The following GRIA1 variants were observed in gnomAD, a reference collection of about 807,000 sequenced individuals.
The protein encoded by GRIA1 is glutamate ionotropic receptor AMPA type subunit 1.
A neutral mutation model predicts 99.2 loss-of-function variants in GRIA1; 31 were observed. That is an observed-to-expected ratio of 0.31 (90% CI 0.23 to 0.42). The LOEUF is 0.42. Among genes scored for constraint, GRIA1 ranks in the 10% least tolerant of loss-of-function variants. GRIA1 has a pLI of 1.00. For synonymous variants in GRIA1, 438 were observed against 432.4 expected (o/e 1.01, Z -0.16); for missense variants, 782 against 1,157.5 (o/e 0.68, Z 4.71).
intron 11 of GRIA1, among the ~76,000 whole-genome samples, chr5:153,751,462 G>A (rs907297044): frequency 1.6e-4 from 24 of 152,212 alleles, no homozygotes; most frequent in Non-Finnish European, 4.4e-5. Context: ...CCAGCCTGCC[G>A]CCTGTTTTGG....
At chr5:153,541,733 C>A (rs1437258707) in intron 2 of GRIA1, among the ~76,000 whole-genome samples, 1 of 151,928 alleles carries the variant, frequency 6.6e-6, no homozygotes, top group Non-Finnish European at 1.5e-5. Flanking sequence ...AGATTGAGAC[C>A]ATCCTGGCCA....
intron 5 of GRIA1, among the ~76,000 whole-genome samples, chr5:153,661,112 T>A (rs1755339238): frequency 6.6e-6 from 1 of 152,196 alleles, no homozygotes; most frequent in Non-Finnish European, 1.5e-5. Flanking sequence ...TTAGTCTCCT[T>A]GCTCCCCTGT....
intron 5 of GRIA1, among the ~76,000 whole-genome samples, chr5:153,668,845 T>G (rs980615976): frequency 1.4e-4 from 21 of 152,230 alleles, no homozygotes; most frequent in East Asian, 1.3e-3. Context: ...GGGTGACATA[T>G]TCTGGCTATT....
At chr5:153,572,330 C>T (rs1278915213) in intron 2 of GRIA1, among the ~76,000 whole-genome samples, 1 of 152,088 alleles carries the variant, frequency 6.6e-6, no homozygotes, top group Non-Finnish European at 1.5e-5. Flanking sequence ...TGAGATGACC[C>T]GCAAAGAGTA....
intron 2 of GRIA1, among the ~76,000 whole-genome samples, chr5:153,546,670 T>C (rs903059440): frequency 6.6e-6 from 1 of 152,178 alleles, no homozygotes; most frequent in Non-Finnish European, 1.5e-5. Flanking sequence ...CAGTTTATTA[T>C]AAGTGCCAAA....
intron 2 of GRIA1, among the ~76,000 whole-genome samples, chr5:153,605,665 A>G (rs1010451399): frequency 1.1e-4 from 16 of 152,184 alleles, no homozygotes; most frequent in African/African-American, 3.6e-4. Context: ...AGTCATTTTA[A>G]TTTTAGCCCT....
intron 2 of GRIA1, among the ~76,000 whole-genome samples, chr5:153,536,103 C>T (rs751799618): frequency 6.6e-6 from 1 of 152,176 alleles, no homozygotes; most frequent in Non-Finnish European, 1.5e-5. Context: ...GACTCTGACC[C>T]TGTCCCATCT....
At chr5:153,672,343 G>A (rs1756251068) in intron 5 of GRIA1, among the ~76,000 whole-genome samples, 1 of 152,178 alleles carries the variant, frequency 6.6e-6, no homozygotes, top group Admixed American at 6.5e-5. Flanking sequence ...ACGTAAAGTA[G>A]AATACCCATG....
chr5:153,707,307 T>C (rs1758968100), intron 11 of GRIA1, among the ~76,000 whole-genome samples: 1 of 152,036 alleles, frequency 6.6e-6, no homozygotes, highest in Admixed American at 6.6e-5. Flanking sequence ...TGACTGAAGC[T>C]AAGAAAAGAG....
intron 2 of GRIA1, among the ~76,000 whole-genome samples, chr5:153,504,062 T>G (rs1301204172): frequency 6.6e-6 from 1 of 152,192 alleles, no homozygotes; most frequent in Non-Finnish European, 1.5e-5. Context: ...CTGGGCCTGA[T>G]GTCATTGGAT....
At chr5:153,695,528 C>T (rs1373461929) in intron 8 of GRIA1, among the ~76,000 whole-genome samples, 2 of 152,226 alleles carry the variant, frequency 1.3e-5, no homozygotes, top group African/African-American at 4.8e-5. Flanking sequence ...CCCTAGAACA[C>T]AGTCCTTGCA....
intron 2 of GRIA1, chr5:153,557,800 T>C (rs548363817): frequency 6.1e-4 from 93 of 152,330 alleles, no homozygotes; most frequent in African/African-American, 2.2e-3. Context: ...CTCCACAGCT[T>C]GTCCGGCTGA....
chr5:153,550,908 C>T (rs1427539948), intron 2 of GRIA1, among the ~76,000 whole-genome samples: 2 of 152,142 alleles, frequency 1.3e-5, no homozygotes, highest in Non-Finnish European at 2.9e-5. Flanking sequence ...GATTATTATA[C>T]TTTAAGTTTT....
chr5:153,518,926 C>A (rs762246342), intron 2 of GRIA1, among the ~76,000 whole-genome samples: 11 of 152,084 alleles, frequency 7.2e-5, no homozygotes, highest in Non-Finnish European at 1.2e-4. Flanking sequence ...AAAAGATGAC[C>A]GTCCTGGACT....
chr5:153,501,862 T>C (rs1314871675), intron 2 of GRIA1, among the ~76,000 whole-genome samples: 1 of 152,210 alleles, frequency 6.6e-6, no homozygotes, highest in African/African-American at 2.4e-5. Flanking sequence ...CCTGGAGAAC[T>C]GGTGAGGCTG....
intron 2 of GRIA1, among the ~76,000 whole-genome samples, chr5:153,607,046 T>G (rs1372375770): frequency 7.3e-6 from 1 of 137,856 alleles, no homozygotes; most frequent in South Asian, 2.2e-4. Flanking sequence ...ACAAAAGATA[T>G]ATATATATAT....
intron 15 of GRIA1, among the ~76,000 whole-genome samples, chr5:153,805,837 G>A (rs1349025840): frequency 6.6e-6 from 1 of 152,116 alleles, no homozygotes; most frequent in Non-Finnish European, 1.5e-5. Context: ...CAACATCAGG[G>A]TCTCTTGGAA....
At chr5:153,671,439 G>A (rs1483071602) in intron 5 of GRIA1, among the ~76,000 whole-genome samples, 13 of 152,176 alleles carry the variant, frequency 8.5e-5, no homozygotes, top group Admixed American at 8.5e-4. Flanking sequence ...CAGTGCTGGG[G>A]TAAGTGCTCT....
chr5:153,694,644 C>G (rs1204482525), intron 8 of GRIA1, among the ~76,000 whole-genome samples: 1 of 152,236 alleles, frequency 6.6e-6, no homozygotes, highest in Non-Finnish European at 1.5e-5. Flanking sequence ...CCACAGAGGT[C>G]AGGTAACTTG....
Sources: allele counts gnomAD v4.1 joint callset (sites outside exome capture counted in the v4.1 genomes callset), GRCh38; gene constraint gnomAD v4.1.1; transcripts MANE v1.5; gene names NCBI Gene and HGNC (gene_info 2026-07-23, HGNC 2026-07-21).